Variants in ITFG1 observed in about 807,000 individuals in gnomAD.
The protein encoded by ITFG1 is T-cell immunomodulatory protein.
ITFG1 carries 34 observed loss-of-function variants against 81.8 expected under a neutral mutation model. The ratio of observed to expected loss-of-function variants is 0.42; its 90% CI spans 0.32 to 0.55. ITFG1 has a LOEUF of 0.55. Ranked by LOEUF, ITFG1 falls within the 20% of genes least tolerant of loss-of-function variation. The pLI, the probability that ITFG1 is intolerant of heterozygous loss-of-function variation, is 0.17. For missense variants in ITFG1, 672 were observed against 755.4 expected (o/e 0.89, Z 1.29); for synonymous variants, 285 against 270.6 (o/e 1.05, Z -0.52).
At chr16:47,156,503 T>A (rs1964710674) in intron 17 of ITFG1, among the ~76,000 whole-genome samples, 1 of 152,194 alleles carries the variant, frequency 6.6e-6, no homozygotes, top group Admixed American at 6.5e-5. Context: ...ATACTCCCAA[T>A]ACCAATACTG....
At chr16:47,453,548 C>G (rs1341622866) in intron 3 of ITFG1, among the ~76,000 whole-genome samples, 1 of 152,234 alleles carries the variant, frequency 6.6e-6, no homozygotes, top group African/African-American at 2.4e-5. Flanking sequence ...TCTGCTATTT[C>G]TATCTGTGTC....
intron 10 of ITFG1, among the ~76,000 whole-genome samples, chr16:47,306,669 GA>G (rs1967164617): frequency 6.7e-6 from 1 of 150,308 alleles, no homozygotes; most frequent in African/African-American, 2.4e-5. Context: ...AAAACTTGAA[GA>G]AAGCAAAACA....
chr16:47,347,161 C>T (rs891249416), intron 8 of ITFG1, among the ~76,000 whole-genome samples: 9 of 152,184 alleles, frequency 5.9e-5, no homozygotes, highest in South Asian at 4.1e-4. Flanking sequence ...ACTCAGGTAC[C>T]GGGTTCATCT....
chr16:47,353,542 C>A (rs986046645), intron 8 of ITFG1, among the ~76,000 whole-genome samples: 2 of 151,990 alleles, frequency 1.3e-5, no homozygotes, highest in African/African-American at 4.8e-5. Flanking sequence ...AATTGGAAAT[C>A]TTAGCCAGAG....
intron 6 of ITFG1, among the ~76,000 whole-genome samples, chr16:47,384,713 T>C (rs1477006323): frequency 1.3e-5 from 2 of 152,232 alleles, no homozygotes; most frequent in Non-Finnish European, 2.9e-5. Context: ...CCACGTCATA[T>C]CCACCAACTG....
intron 10 of ITFG1, among the ~76,000 whole-genome samples, chr16:47,261,613 T>C (rs1048142865): frequency 8.5e-5 from 13 of 152,228 alleles, no homozygotes; most frequent in East Asian, 3.8e-4. Flanking sequence ...TCTATGCATA[T>C]AGAAAATAAT....
intron 10 of ITFG1, among the ~76,000 whole-genome samples, chr16:47,271,756 G>A (rs1340883079): frequency 2.0e-5 from 3 of 152,196 alleles, no homozygotes; most frequent in Non-Finnish European, 4.4e-5. Flanking sequence ...CTACTTGGGA[G>A]GCTGAGGCAG....
At chr16:47,437,386 T>G (rs939727797) in intron 5 of ITFG1, among the ~76,000 whole-genome samples, 1 of 151,244 alleles carries the variant, frequency 6.6e-6, no homozygotes, top group Non-Finnish European at 1.5e-5. Context: ...GAGGACTGCT[T>G]GCGGCCAGGA....
At chr16:47,247,827 T>A (rs557667225) in intron 12 of ITFG1, among the ~76,000 whole-genome samples, 1 of 152,268 alleles carries the variant, frequency 6.6e-6, no homozygotes, top group South Asian at 2.1e-4. Flanking sequence ...GGAAGTAGCC[T>A]GGGTTTAAAG....
At chr16:47,229,947 T>C (rs1446619469) in intron 13 of ITFG1, among the ~76,000 whole-genome samples, 1 of 152,238 alleles carries the variant, frequency 6.6e-6, no homozygotes, top group Non-Finnish European at 1.5e-5. Flanking sequence ...ATAACTTTTA[T>C]TACAGTATAT....
intron 14 of ITFG1, among the ~76,000 whole-genome samples, chr16:47,199,357 T>C (rs1441395329): frequency 6.6e-6 from 1 of 152,166 alleles, no homozygotes; most frequent in South Asian, 2.1e-4. Flanking sequence ...CAATAGTGCA[T>C]AGTAATGTCC....
At chr16:47,323,753 G>A (rs1596894333) in intron 8 of ITFG1, among the ~76,000 whole-genome samples, 1 of 152,174 alleles carries the variant, frequency 6.6e-6, no homozygotes, top group East Asian at 1.9e-4. Context: ...GGTAGTAATG[G>A]GGTGGACTGA....
At chr16:47,340,738 T>C (rs1431353675) in intron 8 of ITFG1, among the ~76,000 whole-genome samples, 2 of 152,020 alleles carry the variant, frequency 1.3e-5, no homozygotes, top group African/African-American at 4.8e-5. Context: ...AGAATGAATT[T>C]TAAAAAAACA....
At chr16:47,323,883 C>T (rs1702560557) in intron 8 of ITFG1, among the ~76,000 whole-genome samples, 1 of 152,008 alleles carries the variant, frequency 6.6e-6, no homozygotes, top group South Asian at 2.1e-4. Context: ...TGGAAGAGAA[C>T]AGGGAGAGGA....
In ITFG1 at chr16:47,196,932, A is replaced by AAAAAC. The variant is rs1026138820; in HGVS notation, c.1453+21931_1453+21935dup. On this transcript the variant is annotated intron_variant, in intron 14 of 17. Transcript: ENST00000320640. ...GTGACAGAGCGAGACCCTGTCTCAA[A>AAAAAC]AAAACAAAACAAAACAAAACAACAA... is the stretch of plus-strand genomic sequence containing the variant. Among the ~76,000 whole-genome samples the AAAAAC allele has an allele frequency of 3.9e-5, 6 of 152,322 alleles. No individual in the cohort carries two copies. The South Asian group carries it at 6.2e-4, about 16-fold the overall frequency.
chr16:47,460,508 G>A (rs1196952969), intron 1 of ITFG1, among the ~76,000 whole-genome samples: 3 of 152,284 alleles, frequency 2.0e-5, no homozygotes, highest in East Asian at 3.9e-4. Context: ...AAGATTCCTA[G>A]GAATCAGGAA....
chr16:47,249,717 A>C (rs1393944251), intron 12 of ITFG1, among the ~76,000 whole-genome samples: 2 of 152,146 alleles, frequency 1.3e-5, no homozygotes, highest in Non-Finnish European at 2.9e-5. Context: ...AATGCTTAGG[A>C]TTTTATCATT....
chr16:47,303,944 C>T (rs1336149711), intron 10 of ITFG1, among the ~76,000 whole-genome samples: 1 of 152,028 alleles, frequency 6.6e-6, no homozygotes, highest in Non-Finnish European at 1.5e-5. Flanking sequence ...AATAATTTTC[C>T]GTTGCAAGTT....
chr16:47,159,329 T>C (rs1456600872), intron 16 of ITFG1, among the ~76,000 whole-genome samples: 1 of 152,158 alleles, frequency 6.6e-6, no homozygotes, highest in African/African-American at 2.4e-5. Flanking sequence ...TAGACATCTT[T>C]TTTACATCTT....
Sources: allele counts gnomAD v4.1 joint callset (sites outside exome capture counted in the v4.1 genomes callset), GRCh38; gene constraint gnomAD v4.1.1; transcripts MANE v1.5; gene names NCBI Gene and HGNC (gene_info 2026-07-23, HGNC 2026-07-21).